The following ZFHX3 variants were observed in gnomAD, a reference collection of about 807,000 sequenced individuals.
ZFHX3 encodes zinc finger homeobox 3, also known as zinc finger homeobox protein 3.
ZFHX3 carries 42 observed loss-of-function variants against 279.1 expected under a neutral mutation model. That is an observed-to-expected ratio of 0.15 (90% CI 0.12 to 0.19). ZFHX3 has a LOEUF of 0.19. Among genes scored for constraint, ZFHX3 ranks in the 10% least tolerant of loss-of-function variants. The pLI is 1.00. For missense variants in ZFHX3, 4,981 were observed against 4,754.0 expected, an observed-to-expected ratio of 1.05 and a Z score of -1.40; for synonymous variants, 2,293 against 1,957.8, an observed-to-expected ratio of 1.17 and a Z score of -4.52.
At chr16:73,026,469 C>T (rs959091404) in intron 1 of ZFHX3, among the ~76,000 whole-genome samples, 5 of 151,888 alleles carry the variant, frequency 3.3e-5, no homozygotes, top group South Asian at 4.1e-4. Flanking sequence ...GTTAGGAGTT[C>T]GAGACCAGCC....
chr16:73,627,211 G>A (rs76726451), intron 2 of ZFHX3, among the ~76,000 whole-genome samples: 3 of 152,164 alleles, frequency 2.0e-5, no homozygotes, highest in Non-Finnish European at 4.4e-5. Context: ...ATAGCAAACT[G>A]ACTCCACGTG....
intron 1 of ZFHX3, among the ~76,000 whole-genome samples, chr16:73,685,924 G>A (rs374968735): frequency 3.5e-4 from 53 of 152,230 alleles, no homozygotes; most frequent in African/African-American, 9.2e-4. Context: ...CAACATTCTC[G>A]GAAGTGTGGG....
intron 1 of ZFHX3, among the ~76,000 whole-genome samples, chr16:73,871,210 C>A (rs1039582512): frequency 2.0e-5 from 3 of 152,162 alleles, no homozygotes; most frequent in African/African-American, 7.2e-5. Context: ...TCATGTCACA[C>A]CCTGACTGGA....
chr16:73,626,531 T>C (rs540874221), intron 2 of ZFHX3, among the ~76,000 whole-genome samples: 5 of 152,370 alleles, frequency 3.3e-5, no homozygotes, highest in Admixed American at 6.5e-5. Context: ...AACATTCATT[T>C]GATCAATGAC....
At chr16:73,417,019 G>T (rs190646282) in intron 3 of ZFHX3, among the ~76,000 whole-genome samples, 4 of 152,106 alleles carry the variant, frequency 2.6e-5, no homozygotes, top group African/African-American at 9.7e-5. Flanking sequence ...AGTGACCAAA[G>T]GGACTATCAG....
intron 1 of ZFHX3, among the ~76,000 whole-genome samples, chr16:73,841,515 T>C (rs1164186031): frequency 6.6e-6 from 1 of 151,942 alleles, no homozygotes; most frequent in Non-Finnish European, 1.5e-5. Flanking sequence ...GACCATCATC[T>C]CGGAACTGTC....
At chr16:73,804,325 CA>C (rs2142329461) in intron 1 of ZFHX3, among the ~76,000 whole-genome samples, 1 of 152,230 alleles carries the variant, frequency 6.6e-6, no homozygotes, top group African/African-American at 2.4e-5. Context: ...TACTGAAAAA[CA>C]AAAACTACAC....
At chr16:72,807,743 A>G (rs1299759723) in intron 7 of ZFHX3, 1 of 152,174 alleles carries the variant, frequency 6.6e-6, no homozygotes, top group Non-Finnish European at 1.5e-5. Context: ...TACAGCTGTA[A>G]ATACCCCGGA....
chr16:72,861,536 G>C (rs1482143593), intron 4 of ZFHX3, among the ~76,000 whole-genome samples: 3 of 152,104 alleles, frequency 2.0e-5, no homozygotes, highest in African/African-American at 7.2e-5. Context: ...TTTTACCAGA[G>C]CAAGAGAACA....
At chr16:73,414,880 A>AT (rs777013432) in intron 3 of ZFHX3, among the ~76,000 whole-genome samples, 1 of 152,206 alleles carries the variant, frequency 6.6e-6, no homozygotes, top group Non-Finnish European at 1.5e-5. Context: ...AAACCAGTAC[A>AT]TTCCTCTATT....
chr16:73,771,902 G>C (rs1322459362), intron 1 of ZFHX3, among the ~76,000 whole-genome samples: 3 of 151,850 alleles, frequency 2.0e-5, no homozygotes, highest in Non-Finnish European at 4.4e-5. Flanking sequence ...TTTATAGACT[G>C]TGGTCACCTC....
chr16:73,156,655 A>AGG (rs1239256392), intron 5 of ZFHX3, among the ~76,000 whole-genome samples: 1 of 152,156 alleles, frequency 6.6e-6, no homozygotes, highest in Non-Finnish European at 1.5e-5. Context: ...TCCTGGGTTC[A>AGG]AGTGATCCTC....
chr16:73,022,701 G>C (rs576108295), intron 1 of ZFHX3, among the ~76,000 whole-genome samples: 34 of 152,254 alleles, frequency 2.2e-4, no homozygotes, highest in African/African-American at 7.7e-4. Flanking sequence ...GGGCCAAGCA[G>C]GTAACACAAA....
chr16:73,483,540 C>G (rs1250050887), intron 2 of ZFHX3: 1 of 357,762 alleles, frequency 2.8e-6, no homozygotes, highest in Non-Finnish European at 5.5e-6. Context: ...GTTCTCATTT[C>G]TTGTCTCTGC....
chr16:72,951,936 A>G (rs368044863), intron 2 of ZFHX3, among the ~76,000 whole-genome samples: 4 of 152,360 alleles, frequency 2.6e-5, no homozygotes, highest in South Asian at 2.1e-4. Context: ...TGGGTTGGAT[A>G]GTGCATCTCT....
intron 5 of ZFHX3, among the ~76,000 whole-genome samples, chr16:73,202,558 T>C (rs568839338): frequency 6.6e-6 from 1 of 152,310 alleles, no homozygotes; most frequent in African/African-American, 2.4e-5. Flanking sequence ...ATGACTACAC[T>C]GTAATGCTGA....
chr16:73,057,129 G>C (rs1037121943), intron 1 of ZFHX3, among the ~76,000 whole-genome samples: 1 of 152,140 alleles, frequency 6.6e-6, no homozygotes, highest in African/African-American at 2.4e-5. Context: ...CAATAATTGA[G>C]ACCAATAAAA....
chr16:73,315,638 T>C (rs2015428529), intron 4 of ZFHX3, among the ~76,000 whole-genome samples: 2 of 150,950 alleles, frequency 1.3e-5, no homozygotes, highest in South Asian at 4.2e-4. Flanking sequence ...CAAACAGAAA[T>C]ACAATGGTTT....
chr16:73,549,068 G>A (rs1171927499), intron 2 of ZFHX3, among the ~76,000 whole-genome samples: 3 of 152,114 alleles, frequency 2.0e-5, no homozygotes, highest in South Asian at 2.1e-4. Flanking sequence ...TTCACAAGGT[G>A]ATGCTTTGAG....
Sources: allele counts gnomAD v4.1 joint callset (sites outside exome capture counted in the v4.1 genomes callset), GRCh38; gene constraint gnomAD v4.1.1; transcripts MANE v1.5; gene names NCBI Gene and HGNC (gene_info 2026-07-23, HGNC 2026-07-21).